Variants in METTL15 observed in about 807,000 individuals in gnomAD.
The protein encoded by METTL15 is 12S rRNA N(4)-cytidine methyltransferase METTL15.
In METTL15, 34 loss-of-function variants were observed where a neutral mutation model predicts 38.3. That is an observed-to-expected ratio of 0.89 (90% CI 0.68 to 1.18). The LOEUF is 1.18. Among genes scored for constraint, METTL15 ranks in the 50% most tolerant of loss-of-function variants. The pLI is 0.00. For synonymous variants in METTL15, 162 were observed against 170.9 expected, an observed-to-expected ratio of 0.95 and a Z score of 0.41; for missense variants, 438 against 498.4, an observed-to-expected ratio of 0.88 and a Z score of 1.15.
intron 6 of METTL15, among the ~76,000 whole-genome samples, chr11:28,301,325 A>G (rs1044728687): frequency 1.3e-4 from 20 of 152,160 alleles, no homozygotes; most frequent in Non-Finnish European, 5.9e-5. Flanking sequence ...CATCCTTTAG[A>G]GCTCAGTTGA....
Position 28,290,242 on chromosome 11 carries a change from G to A in METTL15, c.444G>A (p.Gln148=). Residue 148 remains glutamine, a synonymous_variant, in exon 5 of 7, where the codon CAG becomes CAA. Transcript: ENST00000407364. ...GAGCTATGCTGGGCCAGTTCAGCCA[G>A]GCAGAAGCCTTATTAATGAAAGCTG... ...QIRAMLGQFS[Q]AEALLMKAGV... is the part of the protein sequence containing the mutation. 2 of 1,612,928 alleles carry A rather than the reference G, an allele frequency of 1.2e-6. No individual in the cohort carries two copies. The highest frequency in any genetic ancestry group is 1.1e-5 in the South Asian group (1 of 91,004).
At chr11:28,226,162 C>G (rs1853468564) in intron 4 of METTL15, among the ~76,000 whole-genome samples, 1 of 151,812 alleles carries the variant, frequency 6.6e-6, no homozygotes, top group South Asian at 2.1e-4. Flanking sequence ...GCAATAGGTT[C>G]CTTCTGGTGC....
At chr11:28,206,043 G>C (rs112939063) in intron 3 of METTL15, among the ~76,000 whole-genome samples, 31,855 of 117,134 alleles carry the variant, frequency 0.27, 4,941 homozygotes, top group African/African-American at 0.45. Flanking sequence ...AAAATTTTCT[G>C]CCATTCTGTA....
At chr11:28,265,963 C>A (rs917683629) in intron 4 of METTL15, among the ~76,000 whole-genome samples, 3 of 152,204 alleles carry the variant, frequency 2.0e-5, no homozygotes, top group African/African-American at 7.2e-5. Context: ...CCCTTCCCCC[C>A]ACCAGCCCAC....
chr11:28,116,455 T>G (rs894790901), intron 3 of METTL15, among the ~76,000 whole-genome samples: 5 of 152,342 alleles, frequency 3.3e-5, no homozygotes, highest in Admixed American at 2.6e-4. Flanking sequence ...AACATACTGC[T>G]TAGTGGTTAA....
At chr11:28,359,898 C>G (rs369200434) in intron 4 of METTL15, among the ~76,000 whole-genome samples, 1 of 152,122 alleles carries the variant, frequency 6.6e-6, no homozygotes, top group South Asian at 2.1e-4. Context: ...TATCATTTCA[C>G]TTGAGTGATT....
intron 3 of METTL15, among the ~76,000 whole-genome samples, chr11:28,192,628 A>G (rs536172218): frequency 1.3e-5 from 2 of 152,192 alleles, no homozygotes; most frequent in African/African-American, 2.4e-5. Context: ...CTTAGAATTT[A>G]TAGAATTCAC....
chr11:28,155,015 G>A (rs1400869337), intron 3 of METTL15, among the ~76,000 whole-genome samples: 1 of 152,072 alleles, frequency 6.6e-6, no homozygotes, highest in Non-Finnish European at 1.5e-5. Flanking sequence ...CTCCTAATGG[G>A]ATTTATTTTG....
intron 3 of METTL15, among the ~76,000 whole-genome samples, chr11:28,147,900 T>C (rs1480328230): frequency 6.6e-6 from 1 of 151,900 alleles, no homozygotes; most frequent in African/African-American, 2.4e-5. Flanking sequence ...TGAATGTGCC[T>C]GAGGAGTTTA....
chr11:28,462,135 C>T (rs1851221366), intron 6 of METTL15, among the ~76,000 whole-genome samples: 1 of 152,018 alleles, frequency 6.6e-6, no homozygotes, highest in South Asian at 2.1e-4. Flanking sequence ...GACAAGGATG[C>T]TTAATTGTAC....
rs568580814 is a variant in METTL15, at chr11:28,481,474, T to C, written c.*425-45004T>C. ...GGCCATTTCCCAATTGTTCCAATTGTTGGGGGCACACTGAACGTCCCTGCA... is the reference window on the plus strand; with the variant it reads ...GGCCATTTCCCAATTGTTCCAATTGCTGGGGGCACACTGAACGTCCCTGCA... On this transcript the variant is annotated intron_variant and NMD_transcript_variant, in intron 6 of 7. Transcript: ENST00000532947. Among the ~76,000 whole-genome samples, 38 of 152,290 alleles carry C rather than the reference T, an allele frequency of 2.5e-4. No individual in the cohort carries two copies. In the South Asian group the frequency reaches 7.9e-3, roughly 32 times the overall value.
chr11:28,351,887 G>T (rs1457793443), intron 3 of METTL15, among the ~76,000 whole-genome samples: 1 of 152,138 alleles, frequency 6.6e-6, no homozygotes, highest in Non-Finnish European at 1.5e-5. Context: ...TAGCTAGGAG[G>T]TTCACTTTGC....
chr11:28,429,520 G>T (rs1164688871), intron 6 of METTL15, among the ~76,000 whole-genome samples: 1 of 123,792 alleles, frequency 8.1e-6, no homozygotes, highest in Non-Finnish European at 1.7e-5. Context: ...GGCACGCGCC[G>T]CCACGCCTGA....
intron 3 of METTL15, among the ~76,000 whole-genome samples, chr11:28,158,025 T>C (rs932497849): frequency 6.6e-6 from 1 of 152,114 alleles, no homozygotes; most frequent in East Asian, 1.9e-4. Context: ...TTGTGCACTT[T>C]GAGTGGAAGG....
At chr11:28,411,148 A>G (rs954785296) in intron 5 of METTL15, among the ~76,000 whole-genome samples, 2 of 152,074 alleles carry the variant, frequency 1.3e-5, no homozygotes, top group African/African-American at 4.8e-5. Context: ...AGAAGAATTA[A>G]TATTGTTAAT....
chr11:28,496,733 A>G (rs147116464), intron 6 of METTL15, among the ~76,000 whole-genome samples: 33 of 152,380 alleles, frequency 2.2e-4, no homozygotes, highest in African/African-American at 7.7e-4. Context: ...CAATGTAAGT[A>G]TGAACTTGAG....
At chr11:28,459,698 T>G (rs949125117) in intron 6 of METTL15, among the ~76,000 whole-genome samples, 1 of 152,202 alleles carries the variant, frequency 6.6e-6, no homozygotes, top group African/African-American at 2.4e-5. Flanking sequence ...AATTTCTATC[T>G]ATGCTCATGT....
At chr11:28,256,922 A>T (rs1052921953) in intron 4 of METTL15, among the ~76,000 whole-genome samples, 7 of 152,012 alleles carry the variant, frequency 4.6e-5, no homozygotes, top group Non-Finnish European at 8.8e-5. Context: ...TTGTTTCAAG[A>T]ATTTTTCAGT....
chr11:28,252,755 C>T lies in METTL15; in HGVS notation c.408-37451C>T, dbSNP rs141108793. On this transcript the variant is annotated intron_variant, in intron 4 of 6. Coordinates refer to ENST00000407364, the MANE Select transcript of METTL15 (RefSeq NM_001113528.2). ...GCTCTCAGGATCCCATATTCCTTTG[C>T]AGCTTGGCTTTACATTTTCTTCCAC... is the stretch of plus-strand genomic sequence containing the variant. 5.8e-4 allele frequency among the ~76,000 whole-genome samples: 88 copies of T among 152,178 alleles called. 1 individual carries two copies. The East Asian group carries it at 0.015, about 27-fold the overall frequency.
Sources: gnomAD v4.1 joint callset for allele counts (sites outside exome capture counted in the v4.1 genomes callset) on GRCh38, gnomAD v4.1.1 for gene constraint, MANE v1.5 for transcripts, NCBI Gene and HGNC (gene_info 2026-07-23, HGNC 2026-07-21) for gene names.